CSMD1: variants seen among roughly 807,000 people sequenced by gnomAD.
The protein encoded by CSMD1 is CUB and Sushi multiple domains 1, also known as CUB and sushi domain-containing protein 1.
CSMD1 carries 213 observed loss-of-function variants against 417.5 expected under a neutral mutation model. The observed-to-expected ratio is 0.51, with a 90% confidence interval of 0.46 to 0.57. The LOEUF (loss-of-function observed/expected upper bound fraction) is 0.57. Among genes scored for constraint, CSMD1 ranks in the 20% least tolerant of loss-of-function variants. The pLI, the probability that CSMD1 is intolerant of heterozygous loss-of-function variation, is 0.00. For synonymous variants in CSMD1, 2,862 were observed against 1,736.8 expected (o/e 1.65, Z -16.11); for missense variants, 6,923 against 4,529.7 (o/e 1.53, Z -15.17).
chr8:4,763,054 C>G (rs956603054), intron 1 of CSMD1, among the ~76,000 whole-genome samples: 4 of 152,090 alleles, frequency 2.6e-5, no homozygotes, highest in Non-Finnish European at 5.9e-5. Context: ...TTCCAGGGTA[C>G]AGCTGTAACA....
intron 7 of CSMD1, among the ~76,000 whole-genome samples, chr8:3,690,360 C>T (rs1800173720): frequency 6.6e-6 from 1 of 152,266 alleles, no homozygotes; most frequent in African/African-American, 2.4e-5. Context: ...TGTCTCAAAA[C>T]AAAACAAAAC....
chr8:4,191,078 G>T (rs867266891), intron 3 of CSMD1, among the ~76,000 whole-genome samples: 28 of 147,640 alleles, frequency 1.9e-4, no homozygotes, highest in African/African-American at 7.5e-4. Context: ...GATACACATG[G>T]ATTAAAATAA....
At chr8:4,679,387 A>G (rs1469362127) in intron 1 of CSMD1, among the ~76,000 whole-genome samples, 1 of 152,228 alleles carries the variant, frequency 6.6e-6, no homozygotes, top group Non-Finnish European at 1.5e-5. Flanking sequence ...TTTAAAATGG[A>G]TGTGCCTAAC....
In CSMD1 at chr8:3,652,357, A is replaced by G. The variant is rs556570470; in HGVS notation, c.1010-35560T>C. Among the ~76,000 whole-genome samples the G allele has an allele frequency of 2.1e-4, 31 of 150,292 alleles. No homozygotes were observed. The East Asian group carries it at 5.8e-3, about 28-fold the overall frequency. ...CATCAGCGTGCTTACCACCATCAGC[A>G]TGCTTACCACCATCAGAGCGCTTAG... On this transcript the variant is annotated intron_variant, in intron 7 of 69. Transcript: ENST00000635120.
intron 10 of CSMD1, among the ~76,000 whole-genome samples, chr8:3,517,914 C>A (rs1282249413): frequency 6.6e-6 from 1 of 152,128 alleles, no homozygotes; most frequent in African/African-American, 2.4e-5. Flanking sequence ...AGTTCGGGGC[C>A]TCCTTCCACA....
At chr8:2,990,088 A>G (rs192948590) in intron 54 of CSMD1, among the ~76,000 whole-genome samples, 6 of 152,344 alleles carry the variant, frequency 3.9e-5, no homozygotes, top group Admixed American at 2.6e-4. Flanking sequence ...AACTGGGACA[A>G]CATTTGTGGA....
intron 47 of CSMD1, 39 bp downstream of exon 47, chr8:3,096,810 T>C (rs1815337927): frequency 2.4e-6 from 3 of 1,271,442 alleles, no homozygotes; most frequent in Non-Finnish European, 2.2e-6. Flanking sequence ...TTATCAATGA[T>C]GCCGAGGTCA....
At chr8:3,432,468 C>T (rs929445844) in intron 12 of CSMD1, among the ~76,000 whole-genome samples, 1 of 149,462 alleles carries the variant, frequency 6.7e-6, no homozygotes, top group African/African-American at 2.5e-5. Flanking sequence ...GTTGTTACTC[C>T]TTCCCATTAC....
At position 4,277,068 on chromosome 8, in the gene CSMD1, T is replaced by C. The variant is rs974504829; in HGVS notation, c.415+142885A>G. On this transcript the variant is annotated intron_variant, in intron 3 of 69. Coordinates refer to ENST00000635120, the MANE Select transcript of CSMD1 (RefSeq NM_033225.6). ...CCATCAGACTATCCATTTTACAATG[T>C]TGTGTGTTTTATAAAATTGCATGTA... 1.1e-4 allele frequency among the ~76,000 whole-genome samples: 16 copies of C among 152,180 alleles called. 1 individual carries two copies. Among genetic ancestry groups the C allele is most frequent in the Admixed American group, 6.5e-4 (10 of 15,278 alleles).
At chr8:3,733,327 T>C (rs886685386) in intron 6 of CSMD1, among the ~76,000 whole-genome samples, 3 of 147,784 alleles carry the variant, frequency 2.0e-5, no homozygotes, top group African/African-American at 4.9e-5. Context: ...TATGTACAAA[T>C]ATATATACAC....
At chr8:4,904,578 T>C (rs955352798) in intron 1 of CSMD1, among the ~76,000 whole-genome samples, 6 of 152,186 alleles carry the variant, frequency 3.9e-5, no homozygotes, top group African/African-American at 1.4e-4. Flanking sequence ...ATTAAACACA[T>C]ATAGTGAATA....
intron 1 of CSMD1, among the ~76,000 whole-genome samples, chr8:4,725,982 T>C (rs945419682): frequency 4.6e-5 from 7 of 152,288 alleles, no homozygotes; most frequent in African/African-American, 1.4e-4. Flanking sequence ...CAGTGGAATT[T>C]TGGTATCACG....
At chr8:4,127,877 G>A (rs1003508541) in intron 3 of CSMD1, among the ~76,000 whole-genome samples, 4 of 152,110 alleles carry the variant, frequency 2.6e-5, no homozygotes, top group Non-Finnish European at 4.4e-5. Context: ...GACACTGCCA[G>A]CAAATGGTGA....
At chr8:4,296,874 A>AT (rs200871097) in intron 3 of CSMD1, among the ~76,000 whole-genome samples, 2,736 of 152,086 alleles carry the variant, frequency 0.018, 44 homozygotes, top group Non-Finnish European at 0.028. Flanking sequence ...TAGACTCCCA[A>AT]TTTTTTTAAA....
At chr8:3,428,128 G>A (rs1039189332) in intron 12 of CSMD1, among the ~76,000 whole-genome samples, 1 of 152,304 alleles carries the variant, frequency 6.6e-6, no homozygotes, top group South Asian at 2.1e-4. Flanking sequence ...TTAAATAGAT[G>A]TTAAATTATT....
chr8:4,369,887 A>C (rs2128912295), intron 3 of CSMD1, among the ~76,000 whole-genome samples: 1 of 152,236 alleles, frequency 6.6e-6, no homozygotes, highest in South Asian at 2.1e-4. Context: ...TCTTTACCCA[A>C]CTTTCCATTT....
intron 3 of CSMD1, among the ~76,000 whole-genome samples, chr8:4,224,586 G>C (rs1801233344): frequency 6.6e-6 from 1 of 152,128 alleles, no homozygotes; most frequent in African/African-American, 2.4e-5. Flanking sequence ...GGTGCCTCCG[G>C]AGTTCCACCA....
intron 2 of CSMD1, among the ~76,000 whole-genome samples, chr8:4,487,987 A>G (rs1225213221): frequency 6.6e-6 from 1 of 152,158 alleles, no homozygotes; most frequent in Non-Finnish European, 1.5e-5. Context: ...AATCCTACCC[A>G]TTAAGGTGAT....
chr8:3,420,689 A>C (rs1292363903), intron 12 of CSMD1, among the ~76,000 whole-genome samples: 1 of 152,164 alleles, frequency 6.6e-6, no homozygotes, highest in Non-Finnish European at 1.5e-5. Flanking sequence ...GTCAAATTCT[A>C]AACTTTTGGG....
Sources: allele counts gnomAD v4.1 joint callset (sites outside exome capture counted in the v4.1 genomes callset), GRCh38; gene constraint gnomAD v4.1.1; transcripts MANE v1.5; gene names NCBI Gene and HGNC (gene_info 2026-07-23, HGNC 2026-07-21).